Variants in LUZP2 observed in about 807,000 individuals in gnomAD.
The protein encoded by LUZP2 is leucine zipper protein 2.
In LUZP2, 52 loss-of-function variants were observed where a neutral mutation model predicts 51.6. The ratio of observed to expected loss-of-function variants is 1.01; its 90% CI spans 0.81 to 1.27. The LOEUF is 1.27. LUZP2 is among the 50% of genes most tolerant of loss of function. The pLI, the probability that LUZP2 is intolerant of heterozygous loss-of-function variation, is 0.00. For synonymous variants in LUZP2, 154 were observed against 137.3 expected (o/e 1.12, Z -0.85); for missense variants, 436 against 395.4 (o/e 1.10, Z -0.87).
intron 5 of LUZP2, among the ~76,000 whole-genome samples, chr11:24,893,772 GCACACA>G (rs34127798): frequency 0.48 from 71,658 of 149,412 alleles, 17,556 homozygotes; most frequent in East Asian, 0.77. Flanking sequence ...AAATACACAC[GCACACA>G]CACACACACA....
intron 5 of LUZP2, among the ~76,000 whole-genome samples, chr11:24,799,226 A>G (rs1309321106): frequency 1.3e-5 from 2 of 152,200 alleles, no homozygotes; most frequent in African/African-American, 4.8e-5. Context: ...TCCCACAGGT[A>G]GGAAAGTATT....
At chr11:24,743,709 AG>A (rs1233987895) in intron 4 of LUZP2, among the ~76,000 whole-genome samples, 2 of 152,120 alleles carry the variant, frequency 1.3e-5, no homozygotes, top group Non-Finnish European at 2.9e-5. Flanking sequence ...TGCTCTGGAT[AG>A]GACTTCCAAC....
intron 1 of LUZP2, among the ~76,000 whole-genome samples, chr11:24,704,036 A>G (rs759505065): frequency 2.6e-5 from 4 of 152,210 alleles, no homozygotes; most frequent in Non-Finnish European, 5.9e-5. Flanking sequence ...AACCAAAATA[A>G]AACTTAATAA....
intron 5 of LUZP2, among the ~76,000 whole-genome samples, chr11:24,802,645 T>C (rs930136520): frequency 3.9e-5 from 6 of 151,988 alleles, no homozygotes; most frequent in African/African-American, 1.4e-4. Context: ...ATTGAACAGT[T>C]ACTCCCCATT....
At chr11:24,680,681 C>T (rs1451329070) in intron 1 of LUZP2, among the ~76,000 whole-genome samples, 1 of 152,176 alleles carries the variant, frequency 6.6e-6, no homozygotes, top group Non-Finnish European at 1.5e-5. Context: ...TTATGTTCAA[C>T]ACAATTATAA....
chr11:24,711,478 TAAATAAATAAATA>T (rs1345304566), intron 1 of LUZP2, among the ~76,000 whole-genome samples: 49 of 150,502 alleles, frequency 3.3e-4, no homozygotes, highest in Admixed American at 6.0e-4. Flanking sequence ...AATAAATAAA[TAAATAAATAAATA>T]AAGATTTTCT....
chr11:24,810,076 T>C (rs1849974080), intron 5 of LUZP2, among the ~76,000 whole-genome samples: 1 of 152,160 alleles, frequency 6.6e-6, no homozygotes. Context: ...AGTAGTTGTG[T>C]TCCAGGTAGT....
chr11:25,012,440 A>G (rs1253323599), intron 9 of LUZP2, among the ~76,000 whole-genome samples: 1 of 152,140 alleles, frequency 6.6e-6, no homozygotes, highest in Admixed American at 6.6e-5. Flanking sequence ...ATTCTTTAGA[A>G]CTAGAAAGGT....
intron 9 of LUZP2, among the ~76,000 whole-genome samples, chr11:24,996,891 A>G (rs1412481179): frequency 6.6e-6 from 1 of 151,518 alleles, no homozygotes; most frequent in African/African-American, 2.4e-5. Flanking sequence ...TTCTTGCGAT[A>G]GTTTACTGAG....
At chr11:24,648,937 G>A (rs1202432149) in intron 1 of LUZP2, among the ~76,000 whole-genome samples, 1 of 151,882 alleles carries the variant, frequency 6.6e-6, no homozygotes, top group African/African-American at 2.4e-5. Context: ...TTTCTATCAA[G>A]CCAGTAAGGA....
At chr11:24,596,987 G>T (rs1431028367) in intron 1 of LUZP2, among the ~76,000 whole-genome samples, 1 of 152,146 alleles carries the variant, frequency 6.6e-6, no homozygotes, top group African/African-American at 2.4e-5. Flanking sequence ...GCTATGCTGT[G>T]ATTAAGGAGA....
intron 7 of LUZP2, among the ~76,000 whole-genome samples, chr11:24,930,580 G>A (rs186342673): frequency 4.1e-4 from 62 of 152,264 alleles, no homozygotes; most frequent in African/African-American, 1.5e-3. Flanking sequence ...TAGGGTTTCT[G>A]CTAAGAAATC....
At chr11:24,748,364 C>A (rs1254047009) in intron 4 of LUZP2, among the ~76,000 whole-genome samples, 1 of 152,176 alleles carries the variant, frequency 6.6e-6, no homozygotes, top group Non-Finnish European at 1.5e-5. Flanking sequence ...CTCCCTTTCC[C>A]AATTCCACGG....
chr11:24,793,731 G>C (rs1289346928), intron 5 of LUZP2, among the ~76,000 whole-genome samples: 2 of 152,090 alleles, frequency 1.3e-5, no homozygotes, highest in Non-Finnish European at 2.9e-5. Context: ...GTCTGTAAGA[G>C]ACTAGTAATT....
chr11:24,604,285 C>T (rs1050106247), intron 1 of LUZP2, among the ~76,000 whole-genome samples: 1 of 151,694 alleles, frequency 6.6e-6, no homozygotes, highest in African/African-American at 2.4e-5. Context: ...AAGCACATTA[C>T]TATGTGATGG....
chr11:25,012,957 T>C (rs902580799), intron 9 of LUZP2, among the ~76,000 whole-genome samples: 4 of 152,118 alleles, frequency 2.6e-5, no homozygotes, highest in African/African-American at 9.7e-5. Flanking sequence ...ATAGCAAATA[T>C]ATGGAATCAA....
chr11:24,739,451 G>C (rs149449692), intron 4 of LUZP2, among the ~76,000 whole-genome samples: 8 of 152,184 alleles, frequency 5.3e-5, no homozygotes, highest in African/African-American at 1.9e-4. Flanking sequence ...TCTCACCTCT[G>C]AGACGTTGGA....
chr11:25,044,666 TCTAGAA>T (rs1376833721), intron 9 of LUZP2, among the ~76,000 whole-genome samples: 1 of 151,928 alleles, frequency 6.6e-6, no homozygotes, highest in Admixed American at 6.6e-5. Flanking sequence ...TCCTCAGGGA[TCTAGAA>T]CTAGAAATAG....
chr11:24,709,036 A>G (rs1445748080), intron 1 of LUZP2, among the ~76,000 whole-genome samples: 2 of 152,198 alleles, frequency 1.3e-5, no homozygotes, highest in Non-Finnish European at 2.9e-5. Context: ...TGATTGTCAC[A>G]TCTAGAAGTA....
Sources: allele counts gnomAD v4.1 joint callset (sites outside exome capture counted in the v4.1 genomes callset), GRCh38; gene constraint gnomAD v4.1.1; transcripts MANE v1.5; gene names NCBI Gene and HGNC (gene_info 2026-07-23, HGNC 2026-07-21).